MDGA2: variants seen among roughly 807,000 people sequenced by gnomAD.
MDGA2 encodes the protein MAM domain-containing glycosylphosphatidylinositol anchor protein 2.
Under a neutral mutation model 117.8 loss-of-function variants are expected in MDGA2, and 40 were observed. The observed-to-expected ratio is 0.34, with a 90% CI of 0.26 to 0.44. The LOEUF (loss-of-function observed/expected upper bound fraction) is 0.44. Among genes scored for constraint, MDGA2 ranks in the 20% least tolerant of loss-of-function variants. The pLI, the probability that MDGA2 is intolerant of heterozygous loss-of-function variation, is 1.00. For synonymous variants in MDGA2, 452 were observed against 439.0 expected (o/e 1.03, Z -0.37); for missense variants, 1,123 against 1,250.6 (o/e 0.90, Z 1.54).
intron 9 of MDGA2, among the ~76,000 whole-genome samples, chr14:46,944,192 A>G (rs1161378235): frequency 6.6e-6 from 1 of 151,878 alleles, no homozygotes; most frequent in East Asian, 1.9e-4. Context: ...TTTTTTCAGA[A>G]TATATATATT....
chr14:47,319,921 G>A (rs1393257510), intron 1 of MDGA2, among the ~76,000 whole-genome samples: 1 of 152,154 alleles, frequency 6.6e-6, no homozygotes, highest in Non-Finnish European at 1.5e-5. Flanking sequence ...AATCTTTAGA[G>A]TGGGCCCTAA....
intron 1 of MDGA2, among the ~76,000 whole-genome samples, chr14:47,616,961 G>C (rs528867986): frequency 5.4e-4 from 82 of 152,222 alleles, no homozygotes; most frequent in African/African-American, 1.8e-3. Context: ...AACCAAATGT[G>C]GTTAGCAACT....
chr14:47,107,253 A>C (rs188252785), intron 5 of MDGA2, among the ~76,000 whole-genome samples: 1 of 152,070 alleles, frequency 6.6e-6, no homozygotes, highest in African/African-American at 2.4e-5. Flanking sequence ...TAAAGCCTAT[A>C]AACTCTCCTT....
At chr14:47,136,197 CTTT>C (rs34818512) in intron 4 of MDGA2, among the ~76,000 whole-genome samples, 10,564 of 130,822 alleles carry the variant, frequency 0.081, 354 homozygotes, top group Admixed American at 0.15. Context: ...TGTTTTCTCT[CTTT>C]TTTTTTTTTT....
At chr14:47,285,960 C>A (rs894313480) in intron 2 of MDGA2, among the ~76,000 whole-genome samples, 2 of 151,988 alleles carry the variant, frequency 1.3e-5, no homozygotes, top group Non-Finnish European at 1.5e-5. Flanking sequence ...CTGTCATATT[C>A]ACTCATTAAA....
At chr14:46,918,909 C>A (rs1467815846) in intron 10 of MDGA2, among the ~76,000 whole-genome samples, 1 of 151,822 alleles carries the variant, frequency 6.6e-6, no homozygotes, top group East Asian at 1.9e-4. Context: ...CTACAGGCGC[C>A]CGTCAACATG....
rs1237142051 is a variant in MDGA2 at position 47,588,249 on chromosome 14, T to G, written c.280+86268A>C. Among the ~76,000 whole-genome samples, 584 of 127,104 alleles carry G rather than the reference T, an allele frequency of 4.6e-3. 9 individuals are homozygous for G. Among genetic ancestry groups the G allele is most frequent in the East Asian group, 0.021 (102 of 4,794 alleles). The allele number at this position is 127,104 out of a possible 152,430, so 83.4% of individuals were successfully genotyped here. ...TTGGAGATAGATAGATATATATATA[T>G]ATATATATATATACACACACACACA... On this transcript the variant is annotated intron_variant, in intron 1 of 16. Coordinates refer to ENST00000399232, the MANE Select transcript of MDGA2 (RefSeq NM_001113498.3).
At chr14:47,564,246 G>T (rs761662833) in intron 1 of MDGA2, among the ~76,000 whole-genome samples, 5 of 152,050 alleles carry the variant, frequency 3.3e-5, no homozygotes, top group Admixed American at 6.5e-5. Flanking sequence ...ATGGTCTTTT[G>T]TAGTATTTCA....
chr14:47,101,075 CGATAGATAGATAGATAGATAGATA>C (rs57541385), intron 5 of MDGA2, among the ~76,000 whole-genome samples: 1 of 140,110 alleles, frequency 7.1e-6, no homozygotes, highest in Non-Finnish European at 1.5e-5. Flanking sequence ...AATGGAGGGA[CGATAGATAGATAGATAGATAGATA>C]GATAGATAGA....
chr14:47,675,132 G>C lies in MDGA2; in HGVS notation c.-336C>G, dbSNP rs1017915929. Among the ~76,000 whole-genome samples, 5 of 151,972 alleles carry C rather than the reference G, an allele frequency of 3.3e-5. No homozygotes were observed. Among genetic ancestry groups the C allele is most frequent in the African/African-American group, 1.2e-4 (5 of 41,424 alleles). On this transcript the variant is annotated 5_prime_UTR_variant, in exon 1 of 17. The change creates a new upstream start codon in the 5' untranslated region. Coordinates refer to ENST00000399232, the MANE Select transcript of MDGA2 (RefSeq NM_001113498.3). ...ACACCGAGCAGGGCTCTCTTGCCTG[G>C]ATTCGCCTTTACAAAGTAACTCGCG...
At position 47,650,310 on chromosome 14, in the gene MDGA2, C is replaced by A. The variant is rs4539518; in HGVS notation, c.280+24207G>T. ...GCAGATCTTGGGACTTATCAGCCCCCATAATCATGTGAGCCAATTCCTTAT... is the reference window on the plus strand; with the variant it reads ...GCAGATCTTGGGACTTATCAGCCCCAATAATCATGTGAGCCAATTCCTTAT... On this transcript the variant is annotated intron_variant, in intron 1 of 16. Transcript: ENST00000399232. Among the ~76,000 whole-genome samples the A allele has an allele frequency of 0.02, 2,977 of 152,238 alleles. 166 individuals carry two copies. The East Asian group carries it at 0.22, about 11-fold the overall frequency.
At chr14:47,133,890 A>C (rs1357571969) in intron 4 of MDGA2, among the ~76,000 whole-genome samples, 1 of 151,972 alleles carries the variant, frequency 6.6e-6, no homozygotes, top group Non-Finnish European at 1.5e-5. Context: ...TAAACCCTAC[A>C]ATCAACTAAA....
chr14:47,424,863 A>G (rs1269842754), intron 1 of MDGA2, among the ~76,000 whole-genome samples: 1 of 152,148 alleles, frequency 6.6e-6, no homozygotes, highest in Non-Finnish European at 1.5e-5. Context: ...ACAACCATCC[A>G]TAATCTCATA....
At chr14:47,221,703 AG>A (rs1387187027) in intron 2 of MDGA2, among the ~76,000 whole-genome samples, 2 of 148,888 alleles carry the variant, frequency 1.3e-5, no homozygotes, top group Admixed American at 1.3e-4. Flanking sequence ...AAAAAAAAAA[AG>A]AGATTACGGG....
intron 1 of MDGA2, among the ~76,000 whole-genome samples, chr14:47,627,512 ACT>A (rs1032544019): frequency 3.9e-5 from 6 of 152,130 alleles, no homozygotes; most frequent in African/African-American, 1.4e-4. Flanking sequence ...ACCAGTCAAC[ACT>A]CTGTTTCTAG....
intron 1 of MDGA2, among the ~76,000 whole-genome samples, chr14:47,602,049 T>C (rs1052013159): frequency 2.6e-5 from 4 of 152,192 alleles, no homozygotes; most frequent in Non-Finnish European, 2.9e-5. Flanking sequence ...GAATAAATGA[T>C]ACAATCTACG....
intron 2 of MDGA2, among the ~76,000 whole-genome samples, chr14:47,252,845 G>C (rs1887493256): frequency 6.6e-6 from 1 of 152,158 alleles, no homozygotes; most frequent in Non-Finnish European, 1.5e-5. Context: ...ACCTGAGACT[G>C]GGTAATTTAG....
intron 1 of MDGA2, among the ~76,000 whole-genome samples, chr14:47,385,770 A>G (rs1392562548): frequency 6.6e-6 from 1 of 152,176 alleles, no homozygotes; most frequent in Non-Finnish European, 1.5e-5. Flanking sequence ...TGTGTGAGCC[A>G]AATGAACAAA....
At chr14:47,337,821 T>C (rs1890506140) in intron 1 of MDGA2, among the ~76,000 whole-genome samples, 2 of 152,062 alleles carry the variant, frequency 1.3e-5, no homozygotes, top group African/African-American at 2.4e-5. Context: ...TATGTTAATG[T>C]ATGTTTACAT....
Sources: gnomAD v4.1 joint callset for allele counts (sites outside exome capture counted in the v4.1 genomes callset) on GRCh38, gnomAD v4.1.1 for gene constraint, MANE v1.5 for transcripts, NCBI Gene and HGNC (gene_info 2026-07-23, HGNC 2026-07-21) for gene names.